PARVB: variants seen among roughly 807,000 people sequenced by gnomAD.
PARVB encodes beta-parvin.
In PARVB, 46 loss-of-function variants were observed where a neutral mutation model predicts 47.0. The observed-to-expected ratio is 0.98, with a 90% CI of 0.77 to 1.25. The LOEUF is 1.25. Ranked by LOEUF, PARVB falls within the 50% of genes most tolerant of loss-of-function variation. PARVB has a pLI of 0.00. For synonymous variants in PARVB, 196 were observed against 196.3 expected, an observed-to-expected ratio of 1.00 and a Z score of 0.01; for missense variants, 473 against 471.6, an observed-to-expected ratio of 1.00 and a Z score of -0.03.
chr22:44,012,772 C>T (rs1321021255), intron 2 of PARVB, among the ~76,000 whole-genome samples: 1 of 152,100 alleles, frequency 6.6e-6, no homozygotes, highest in Non-Finnish European at 1.5e-5. Flanking sequence ...GAATGAGTTC[C>T]CTTTTCTCTC....
intron 2 of PARVB, among the ~76,000 whole-genome samples, chr22:44,013,299 T>C (rs761009662): frequency 6.6e-6 from 1 of 152,186 alleles, no homozygotes; most frequent in Non-Finnish European, 1.5e-5. Flanking sequence ...CATCCAGGGG[T>C]ATCACGTATT....
intron 2 of PARVB, among the ~76,000 whole-genome samples, chr22:44,098,950 T>C (rs1317499850): frequency 6.6e-6 from 1 of 152,140 alleles, no homozygotes; most frequent in East Asian, 1.9e-4. Flanking sequence ...GCTGGGATTG[T>C]AGGCAGGAGC....
intron 2 of PARVB, among the ~76,000 whole-genome samples, chr22:44,000,867 ACAT>A (rs2050406410): frequency 6.6e-6 from 1 of 152,202 alleles, no homozygotes; most frequent in Admixed American, 6.5e-5. Flanking sequence ...TGCTTTTGTA[ACAT>A]CATATGCTAG....
At chr22:44,090,852 G>C (rs1250636172) in intron 1 of PARVB, among the ~76,000 whole-genome samples, 1 of 152,230 alleles carries the variant, frequency 6.6e-6, no homozygotes, top group Non-Finnish European at 1.5e-5. Flanking sequence ...GACCCCCTGT[G>C]CTCCAGGGCT....
intron 4 of PARVB, among the ~76,000 whole-genome samples, chr22:44,124,513 C>A (rs2053143539): frequency 6.6e-6 from 1 of 152,152 alleles, no homozygotes; most frequent in South Asian, 2.1e-4. Flanking sequence ...GGGTCACTCC[C>A]ACAGATATGC....
intron 8 of PARVB, chr22:44,145,066 G>A (rs986116292): frequency 1.3e-5 from 2 of 152,852 alleles, no homozygotes; most frequent in Non-Finnish European, 2.9e-5. Context: ...TCTCTGTGAT[G>A]TCCCCAGAGC....
intron 10 of PARVB, chr22:44,153,414 C>T (rs529693028): frequency 1.3e-5 from 2 of 152,252 alleles, no homozygotes; most frequent in Admixed American, 1.3e-4. Context: ...CTGCAACCTC[C>T]ACCTCCTGGG....
intron 4 of PARVB, among the ~76,000 whole-genome samples, chr22:44,120,470 C>T (rs116609895): frequency 0.029 from 4,367 of 152,222 alleles, 143 homozygotes; most frequent in African/African-American, 0.077. Flanking sequence ...TGTCTCCTCA[C>T]GATGAGATCT....
At chr22:44,091,726 T>G (rs1033833498) in intron 1 of PARVB, among the ~76,000 whole-genome samples, 1 of 152,230 alleles carries the variant, frequency 6.6e-6, no homozygotes, top group African/African-American at 2.4e-5. Flanking sequence ...TCATCTGGTG[T>G]TCTCAAATGC....
chr22:44,021,732 A>G (rs1238412887), upstream of PARVB, among the ~76,000 whole-genome samples: 1 of 148,820 alleles, frequency 6.7e-6, no homozygotes, highest in East Asian at 2.0e-4. Context: ...CTAATCCAAC[A>G]TGACTGTGTC....
chr22:44,050,768 CTGAACACT>C (rs1032613423), intron 1 of PARVB, among the ~76,000 whole-genome samples: 25 of 149,752 alleles, frequency 1.7e-4, no homozygotes, highest in Admixed American at 1.3e-3. Flanking sequence ...CACATTGTCT[CTGAACACT>C]GTGCTGATGG....
At chr22:44,104,994 AC>A (rs1601607278) in intron 3 of PARVB, 3 of 152,232 alleles carry the variant, frequency 2.0e-5, no homozygotes, top group African/African-American at 7.2e-5. Context: ...AGTTGAACGC[AC>A]CCACACAGCA....
chr22:44,119,249 C>T, intron 4 of PARVB, 109 bp downstream of exon 4: 1 of 783,950 alleles, frequency 1.3e-6, no homozygotes, highest in South Asian at 1.4e-5. Flanking sequence ...CCTAGGAAGA[C>T]ACTCAAAGCT....
intron 4 of PARVB, among the ~76,000 whole-genome samples, chr22:44,122,584 G>GAGAGAGAC (rs1569134649): frequency 2.4e-4 from 31 of 127,506 alleles, no homozygotes; most frequent in African/African-American, 7.3e-4. Flanking sequence ...GAGAGAGAGA[G>GAGAGAGAC]AGAGAGAGAG....
chr22:44,154,696 CTG>C (rs1163101770), intron 10 of PARVB, among the ~76,000 whole-genome samples: 1 of 120,142 alleles, frequency 8.3e-6, no homozygotes, highest in Non-Finnish European at 1.7e-5. Context: ...TTTTCGTTGT[CTG>C]TGTGGTGTGT....
chr22:44,140,368 G>T, intron 8 of PARVB: 1 of 711,076 alleles, frequency 1.4e-6, no homozygotes, highest in Non-Finnish European at 2.6e-6. Context: ...AGGAGGAGTG[G>T]GGTGGAAGGC....
At chr22:44,053,641 C>T (rs1245002955) in intron 1 of PARVB, among the ~76,000 whole-genome samples, 3 of 152,172 alleles carry the variant, frequency 2.0e-5, no homozygotes, top group Admixed American at 2.0e-4. Context: ...TCTGACTCCA[C>T]CTACCTGGAG....
intron 3 of PARVB, chr22:44,113,493 G>C (rs1182617653): frequency 1.7e-5 from 1 of 57,564 alleles, no homozygotes. Context: ...CAGATACGTT[G>C]TTACTAAGTA....
intron 2 of PARVB, among the ~76,000 whole-genome samples, chr22:44,004,268 C>T (rs940756851): frequency 1.3e-5 from 2 of 152,308 alleles, no homozygotes; most frequent in Admixed American, 6.5e-5. Context: ...CGCTCCAGGT[C>T]GCGCGCGAAG....
Sources: gnomAD v4.1 joint callset for allele counts (sites outside exome capture counted in the v4.1 genomes callset) on GRCh38, gnomAD v4.1.1 for gene constraint, MANE v1.5 for transcripts, NCBI Gene and HGNC (gene_info 2026-07-23, HGNC 2026-07-21) for gene names.